Variants in GABARAPL1 observed in about 807,000 individuals in gnomAD.
GABARAPL1 encodes the protein GABA type A receptor associated protein like 1.
A neutral mutation model predicts 14.5 loss-of-function variants in GABARAPL1; 4 were observed. That is an observed-to-expected ratio of 0.28 (90% CI 0.14 to 0.63). The LOEUF (loss-of-function observed/expected upper bound fraction) is 0.63, where lower values mean the gene tolerates loss of function less well. Ranked by LOEUF, GABARAPL1 falls within the 30% of genes least tolerant of loss-of-function variation. The probability of loss-of-function intolerance (pLI) is 0.84; values close to 1 mark genes in which losing one functional copy is unlikely to be tolerated. For synonymous variants in GABARAPL1, 47 were observed against 50.6 expected, an observed-to-expected ratio of 0.93 and a Z score of 0.30; for missense variants, 82 against 139.2, an observed-to-expected ratio of 0.59 and a Z score of 2.07.
intron 1 of GABARAPL1, among the ~76,000 whole-genome samples, chr12:10,215,069 G>C (rs1949080361): frequency 6.6e-6 from 1 of 152,172 alleles, no homozygotes; most frequent in Non-Finnish European, 1.5e-5. Context: ...TGACCAGTCT[G>C]TGACCTTCTT....
chr12:10,222,054 A>G lies in GABARAPL1; in HGVS notation c.*202A>G, dbSNP rs370516975. The G allele has an allele frequency of 2.6e-5, 15 of 586,674 alleles. No homozygotes were observed. The highest frequency in any genetic ancestry group is 2.2e-4 in the African/African-American group (12 of 53,690). 36.3% of individuals were successfully genotyped at this position (586,674 alleles called of 1,614,324 possible). Reference sequence around the variant, plus strand: ...TTGCTGCTTCCTCGGCCCAGGGAGAAAGCATGTCAGGACAGAGCTGTTGGA... The same window carrying G: ...TTGCTGCTTCCTCGGCCCAGGGAGAGAGCATGTCAGGACAGAGCTGTTGGA... On this transcript the variant is annotated 3_prime_UTR_variant, in exon 4 of 4. Transcript: ENST00000266458.
In GABARAPL1 at chr12:10,221,935, G is replaced by A; in HGVS notation, c.*83G>A. On this transcript the variant is annotated 3_prime_UTR_variant, in exon 4 of 4. Coordinates refer to ENST00000266458, the MANE Select transcript of GABARAPL1 (RefSeq NM_031412.4). ...TGTGCGCGACATGGGGAAAGAGGGT[G>A]GCTCCCACCGCAAGGAGACAGAAGG... is the stretch of plus-strand genomic sequence containing the variant. 1 of 1,216,714 alleles carries A rather than the reference G, an allele frequency of 8.2e-7. No homozygotes were observed. The highest frequency in any genetic ancestry group is 1.2e-6 in the Non-Finnish European group (1 of 826,548). 75.4% of individuals were successfully genotyped at this position (1,216,714 alleles called of 1,614,324 possible). A position where few individuals can be genotyped will look rare whatever the true frequency, so the allele number is the denominator to read the frequency against.
chr12:10,218,943 C>T (rs951959301), intron 2 of GABARAPL1, among the ~76,000 whole-genome samples: 5 of 151,688 alleles, frequency 3.3e-5, no homozygotes, highest in Non-Finnish European at 7.4e-5. Flanking sequence ...AACTGCTGAA[C>T]TCAGGTGATC....
At chr12:10,215,095 G>T (rs1949080472) in intron 1 of GABARAPL1, among the ~76,000 whole-genome samples, 1 of 152,138 alleles carries the variant, frequency 6.6e-6, no homozygotes, top group Admixed American at 6.6e-5. Flanking sequence ...TTATGACGCA[G>T]GTTCCTTGAT....
At chr12:10,218,712 T>A (rs910498007) in intron 2 of GABARAPL1, among the ~76,000 whole-genome samples, 1 of 151,556 alleles carries the variant, frequency 6.6e-6, no homozygotes, top group Non-Finnish European at 1.5e-5. Context: ...ATTAATTAAT[T>A]AATATTATTA....
chr12:10,219,330 A>ACC (rs1949107265), intron 2 of GABARAPL1, among the ~76,000 whole-genome samples: 1 of 105,594 alleles, frequency 9.5e-6, no homozygotes, highest in African/African-American at 2.7e-5. Flanking sequence ...AAAAAACAAA[A>ACC]AACAAAAAAA....
intron 3 of GABARAPL1, 193 bp downstream of exon 3, chr12:10,220,751 T>C: frequency 6.6e-7 from 1 of 1,506,030 alleles, no homozygotes; most frequent in Non-Finnish European, 8.9e-7. Context: ...TTAGCCACTC[T>C]ACTAGATTTA....
intron 2 of GABARAPL1, among the ~76,000 whole-genome samples, chr12:10,218,896 G>A (rs1949104943): frequency 6.6e-6 from 1 of 151,658 alleles, no homozygotes; most frequent in Non-Finnish European, 1.5e-5. Flanking sequence ...ATTTTTAGTA[G>A]AGACAGGGTT....
chr12:10,215,423 A>C (rs961280440), intron 1 of GABARAPL1, among the ~76,000 whole-genome samples: 2 of 152,172 alleles, frequency 1.3e-5, no homozygotes, highest in African/African-American at 4.8e-5. Context: ...CAGATTGTCT[A>C]TTTTAAAAAT....
chr12:10,222,430 G>T lies in GABARAPL1; in HGVS notation c.*578G>T. The T allele has an allele frequency of 6.5e-6, 1 of 153,328 alleles. No individual in the cohort carries two copies. The highest frequency in any genetic ancestry group is 1.5e-5 in the Non-Finnish European group (1 of 68,490). 9.5% of individuals were successfully genotyped at this position (153,328 alleles called of 1,614,324 possible). On this transcript the variant is annotated 3_prime_UTR_variant, in exon 4 of 4. Transcript: ENST00000266458. Reference sequence around the variant, plus strand: ...TCACAGTACCACCCCAGGGGTGGCAGTAGACAACAACCCAGAAATTTAGAC... The same window carrying T: ...TCACAGTACCACCCCAGGGGTGGCATTAGACAACAACCCAGAAATTTAGAC...
In GABARAPL1 at chr12:10,221,792, T is replaced by A; in HGVS notation, c.294T>A (p.Asn98Lys). ...TGTCTTATCTCTTCCCCTAGGACAA[T>A]CATGAGGAAGACTATTTTCTGTATG... is the stretch of plus-strand genomic sequence containing the variant. The part of the protein sequence containing the change: ...SATMGQLYED[N>K]HEEDYFLYVA... The change falls in exon 4 of 4, where the codon AAT becomes AAA. Residue 98 changes from asparagine (N) to lysine (K), a missense_variant. This residue lies in a region of GABARAPL1 where 65 missense variants were observed against 103.7 expected (regional missense o/e 0.63). Transcript: ENST00000266458. 6.2e-7 allele frequency: 1 copy of A among 1,613,962 alleles called. No homozygotes were observed. Among genetic ancestry groups the A allele is most frequent in the Non-Finnish European group, 8.5e-7 (1 of 1,179,852 alleles).
chr12:10,213,726 A>G (rs1592003166), intron 1 of GABARAPL1: 1 of 385,294 alleles, frequency 2.6e-6, no homozygotes, highest in African/African-American at 2.1e-5. Context: ...TTCAGAAGCT[A>G]TTCAGTAATT....
At position 10,221,895 on chromosome 12, in the gene GABARAPL1, T is replaced by C. The variant is rs1456912637; in HGVS notation, c.*43T>C. On this transcript the variant is annotated 3_prime_UTR_variant, in exon 4 of 4. Coordinates refer to ENST00000266458, the MANE Select transcript of GABARAPL1 (RefSeq NM_031412.4). ...AGATGGGAGCACCTGGACTTGGGGG[T>C]AGGGGAGGGGTGTGTGTGCGCGACA... 6.3e-7 allele frequency: 1 copy of C among 1,590,246 alleles called. No individual in the cohort carries two copies. Among genetic ancestry groups the C allele is most frequent in the Non-Finnish European group, 8.6e-7 (1 of 1,159,606 alleles).
chr12:10,219,003 T>C (rs144602631), intron 2 of GABARAPL1, among the ~76,000 whole-genome samples: 3,844 of 149,720 alleles, frequency 0.026, 161 homozygotes, highest in African/African-American at 0.088. Flanking sequence ...TGAGCCACCA[T>C]GCCCCACCTA....
intron 1 of GABARAPL1, 37 bp downstream of exon 1, chr12:10,213,256 G>T: frequency 7.5e-7 from 1 of 1,325,022 alleles, no homozygotes; most frequent in East Asian, 2.5e-5. Flanking sequence ...GGAGGGGAAG[G>T]GCCCGCGGGG....
chr12:10,216,537 CTTTTTTT>C (rs71049067), intron 1 of GABARAPL1, among the ~76,000 whole-genome samples: 2 of 112,212 alleles, frequency 1.8e-5, no homozygotes, highest in African/African-American at 3.5e-5. Flanking sequence ...ATTTTCTTTT[CTTTTTTT>C]TTTTTTTTTT....
Position 10,220,438 on chromosome 12 carries a change from A to G in GABARAPL1, c.170-2A>G. The G allele has an allele frequency of 6.2e-7, 1 of 1,611,868 alleles. No homozygotes were observed. The highest frequency in any genetic ancestry group is 8.5e-7 in the Non-Finnish European group (1 of 1,179,576). On this transcript the variant is annotated splice_acceptor_variant, in intron 2 of 3. Transcript: ENST00000266458. LOFTEE classifies it high-confidence loss of function. ...CTGCCCTTTTCTTCTTCCATCATCC[A>G]GTTGGCCAGTTCTACTTCTTAATCC...
Position 10,213,173 on chromosome 12 carries a change from A to C in GABARAPL1, c.44A>C (p.Lys15Thr). The part of the protein sequence containing the change: ...YKEDHPFEYR[K>T]KEGEKIRKKY... The stretch of plus-strand genomic sequence containing the variant: ...GAGGACCATCCCTTTGAGTATCGGA[A>C]AAAGGAAGGAGAAAAGATCCGGAAG... The change falls in exon 1 of 4, where the codon AAA (lysine) becomes ACA (threonine). Residue 15 changes from lysine (K) to threonine (T), a missense_variant. Coordinates refer to ENST00000266458, the MANE Select transcript of GABARAPL1 (RefSeq NM_031412.4). The C allele has an allele frequency of 6.3e-7, 1 of 1,587,380 alleles. No homozygotes were observed. The highest frequency in any genetic ancestry group is 8.6e-7 in the Non-Finnish European group (1 of 1,166,810).
Position 10,213,027 on chromosome 12 carries a change from A to G in GABARAPL1, c.-103A>G, listed in dbSNP as rs997901562. The G allele has an allele frequency of 6.2e-6, 4 of 646,702 alleles. No individual in the cohort carries two copies. Among genetic ancestry groups the G allele is most frequent in the Non-Finnish European group, 1.1e-5 (4 of 356,232 alleles). The allele number at this position is 646,702 out of a possible 1,614,324, so 40.1% of individuals were successfully genotyped here. A position where few individuals can be genotyped will look rare whatever the true frequency, so the allele number is the denominator to read the frequency against. ...TTGCCCCCGGAGCGGACGTTTCTGC[A>G]GCTATTCTGAGCACACCTTGACGTC... On this transcript the variant is annotated 5_prime_UTR_variant, in exon 1 of 4. Transcript: ENST00000266458.
Sources: gnomAD v4.1 joint callset for allele counts (sites outside exome capture counted in the v4.1 genomes callset) on GRCh38, gnomAD v4.1.1 for gene constraint, gnomAD v4.1.1 regional missense constraint, MANE v1.5 for transcripts, NCBI Gene and HGNC (gene_info 2026-07-23, HGNC 2026-07-21) for gene names.